Variants in OLA1 observed in about 807,000 individuals in gnomAD.
OLA1 encodes the protein Obg like ATPase 1, also known as obg-like ATPase 1.
A neutral mutation model predicts 48.4 loss-of-function variants in OLA1; 14 were observed. The observed-to-expected ratio is 0.29, with a 90% CI of 0.19 to 0.45. The LOEUF is 0.45. Ranked by LOEUF, OLA1 falls within the 20% of genes least tolerant of loss-of-function variation. The pLI is 1.00. For missense variants in OLA1, 325 were observed against 467.1 expected (o/e 0.70, Z 2.80); for synonymous variants, 127 against 150.4 (o/e 0.84, Z 1.14).
chr2:174,100,824 TC>T (rs1685377437), intron 7 of OLA1, among the ~76,000 whole-genome samples: 1 of 152,128 alleles, frequency 6.6e-6, no homozygotes, highest in Non-Finnish European at 1.5e-5. Flanking sequence ...TATGCTCCCT[TC>T]CATGAATCCT....
chr2:174,081,275 C>A (rs1395210073), intron 8 of OLA1, 27 bp from the exon 9 acceptor site: 2 of 1,556,470 alleles, frequency 1.3e-6, no homozygotes, highest in Admixed American at 3.4e-5. Context: ...CAAATTCACC[C>A]AACACATAAG....
At chr2:174,098,429 A>C (rs1028774217) in intron 7 of OLA1, among the ~76,000 whole-genome samples, 3 of 152,224 alleles carry the variant, frequency 2.0e-5, no homozygotes, top group Non-Finnish European at 4.4e-5. Context: ...GTGTGAGTAG[A>C]ATCATACCCA....
Position 174,164,910 on chromosome 2 carries a change from T to C in OLA1, c.374-22910A>G, listed in dbSNP as rs372889623. On this transcript the variant is annotated intron_variant, in intron 4 of 10. Coordinates refer to ENST00000284719, the MANE Select transcript of OLA1 (RefSeq NM_013341.5). ...ACTTGAACAAAGTCAGTCTTTTTCCTCTGACAGATGTGAACTAAAAACCAC... is the reference window on the plus strand; with the variant it reads ...ACTTGAACAAAGTCAGTCTTTTTCCCCTGACAGATGTGAACTAAAAACCAC... 3.3e-5 allele frequency among the ~76,000 whole-genome samples: 5 copies of C among 152,306 alleles called. No homozygotes were observed. In the East Asian group the frequency reaches 9.7e-4, roughly 29 times the overall value.
chr2:174,113,852 C>T (rs1685713311), intron 7 of OLA1, among the ~76,000 whole-genome samples: 2 of 152,100 alleles, frequency 1.3e-5, no homozygotes, highest in Admixed American at 1.3e-4. Flanking sequence ...GCTCCAAGAA[C>T]TTGGGCATGT....
At chr2:174,109,134 CA>C (rs1000483704) in intron 7 of OLA1, among the ~76,000 whole-genome samples, 4 of 151,924 alleles carry the variant, frequency 2.6e-5, no homozygotes, top group African/African-American at 9.7e-5. Flanking sequence ...TATTTCATAG[CA>C]AAAAAAGTCT....
intron 5 of OLA1, among the ~76,000 whole-genome samples, chr2:174,130,057 T>C (rs1686142990): frequency 6.6e-6 from 1 of 152,242 alleles, no homozygotes; most frequent in African/African-American, 2.4e-5. Context: ...AGTCCACTAA[T>C]ACAGCATCCT....
chr2:174,165,699 C>T (rs1687146004), intron 4 of OLA1, among the ~76,000 whole-genome samples: 1 of 152,176 alleles, frequency 6.6e-6, no homozygotes, highest in Non-Finnish European at 1.5e-5. Context: ...AAGAGTATCA[C>T]CTATCAAAGG....
At chr2:174,173,445 C>T (rs904857758) in intron 4 of OLA1, among the ~76,000 whole-genome samples, 1 of 152,050 alleles carries the variant, frequency 6.6e-6, no homozygotes, top group East Asian at 1.9e-4. Context: ...TATTTTTAAG[C>T]CTTTTTTTCT....
chr2:174,083,710 G>C (rs1403690780), intron 7 of OLA1, among the ~76,000 whole-genome samples: 1 of 151,998 alleles, frequency 6.6e-6, no homozygotes, highest in African/African-American at 2.4e-5. Context: ...ATCATCAATG[G>C]TTTAGTAACT....
intron 4 of OLA1, among the ~76,000 whole-genome samples, chr2:174,198,951 G>A (rs1199786318): frequency 6.6e-6 from 1 of 152,116 alleles, no homozygotes; most frequent in Non-Finnish European, 1.5e-5. Flanking sequence ...ATTGTACTTG[G>A]TCAATGTATT....
intron 4 of OLA1, among the ~76,000 whole-genome samples, chr2:174,190,832 A>G (rs1429571991): frequency 6.6e-6 from 1 of 151,388 alleles, no homozygotes; most frequent in Non-Finnish European, 1.5e-5. Context: ...AAAACTTCTT[A>G]CATTAGAAAG....
At chr2:174,231,495 A>G (rs1051840135) in intron 2 of OLA1, among the ~76,000 whole-genome samples, 1 of 152,166 alleles carries the variant, frequency 6.6e-6, no homozygotes, top group African/African-American at 2.4e-5. Flanking sequence ...GTTTTTTTCA[A>G]ATTTATGGCG....
rs1684630679 is a variant in OLA1, at chr2:174,072,778, T to A, written c.*2648A>T. The A allele has an allele frequency of 6.6e-6, 1 of 152,214 alleles. No homozygotes were observed. Among genetic ancestry groups the A allele is most frequent in the Non-Finnish European group, 1.5e-5 (1 of 68,048 alleles). 9.4% of individuals were successfully genotyped at this position (152,214 alleles called of 1,614,324 possible). A position where few individuals can be genotyped will look rare whatever the true frequency, so the allele number is the denominator to read the frequency against. On this transcript the variant is annotated 3_prime_UTR_variant, in exon 11 of 11. Coordinates refer to ENST00000284719, the MANE Select transcript of OLA1 (RefSeq NM_013341.5). The stretch of plus-strand genomic sequence containing the variant: ...TTGATGAATCATGAGTAAGGGGACT[T>A]ATTCCACCAATGAAACTGGCAAGTT...
chr2:174,087,539 C>T (rs1468143129), intron 7 of OLA1, among the ~76,000 whole-genome samples: 1 of 134,168 alleles, frequency 7.5e-6, no homozygotes, highest in Non-Finnish European at 1.7e-5. Flanking sequence ...TTGACCACAC[C>T]CCCTAGTAAA....
chr2:174,222,431 C>A (rs1470131231), intron 4 of OLA1, among the ~76,000 whole-genome samples: 1 of 152,060 alleles, frequency 6.6e-6, no homozygotes, highest in East Asian at 1.9e-4. Flanking sequence ...CAAAGTACAG[C>A]CTTGACCTAA....
intron 4 of OLA1, among the ~76,000 whole-genome samples, chr2:174,153,822 ATAT>A (rs1686805468): frequency 6.6e-6 from 1 of 152,206 alleles, no homozygotes; most frequent in South Asian, 2.1e-4. Context: ...ATTCCTTATT[ATAT>A]AACAGATACT....
intron 7 of OLA1, among the ~76,000 whole-genome samples, chr2:174,105,972 T>C (rs1019179527): frequency 6.6e-6 from 1 of 151,738 alleles, no homozygotes; most frequent in African/African-American, 2.4e-5. Flanking sequence ...GAATCAAATA[T>C]CTCAGTATCT....
chr2:174,135,437 T>C (rs1435028379), intron 5 of OLA1, among the ~76,000 whole-genome samples: 2 of 152,138 alleles, frequency 1.3e-5, no homozygotes, highest in Non-Finnish European at 2.9e-5. Flanking sequence ...AAGAGCAAGC[T>C]ACAGACAAAA....
At chr2:174,175,096 T>C (rs745963967) in intron 4 of OLA1, among the ~76,000 whole-genome samples, 11 of 152,006 alleles carry the variant, frequency 7.2e-5, no homozygotes, top group Admixed American at 1.3e-4. Flanking sequence ...TCATGCCATA[T>C]GCAAAATTAA....
Sources: gnomAD v4.1 joint callset for allele counts (sites outside exome capture counted in the v4.1 genomes callset) on GRCh38, gnomAD v4.1.1 for gene constraint, MANE v1.5 for transcripts, NCBI Gene and HGNC (gene_info 2026-07-23, HGNC 2026-07-21) for gene names.